Variants in UTP18 observed in about 807,000 individuals in gnomAD.
The protein encoded by UTP18 is UTP18 small subunit processome component, also known as U3 small nucleolar RNA-associated protein 18 homolog.
A neutral mutation model predicts 61.1 loss-of-function variants in UTP18; 36 were observed. The ratio of observed to expected loss-of-function variants is 0.59; its 90% CI spans 0.45 to 0.78. The LOEUF is 0.78. Ranked by LOEUF, UTP18 falls within the 30% of genes least tolerant of loss-of-function variation. The pLI is 0.00. For synonymous variants in UTP18, 282 were observed against 251.1 expected (o/e 1.12, Z -1.16); for missense variants, 753 against 693.9 (o/e 1.09, Z -0.96).
chr17:51,273,536 C>T, intron 5 of UTP18, 86 bp downstream of exon 5: 1 of 881,916 alleles, frequency 1.1e-6, no homozygotes, highest in Non-Finnish European at 1.7e-6. Context: ...GTATGGATTC[C>T]TATTATCTGT....
At chr17:51,275,468 A>G (rs1904685972) in intron 5 of UTP18, among the ~76,000 whole-genome samples, 2 of 152,210 alleles carry the variant, frequency 1.3e-5, no homozygotes, top group South Asian at 2.1e-4. Flanking sequence ...CCATGAATGC[A>G]AAGATGCCAG....
At chr17:51,293,835 A>G (rs770965608) in intron 11 of UTP18, 68 bp from the exon 12 acceptor site, 3 of 1,308,478 alleles carry the variant, frequency 2.3e-6, no homozygotes, top group Non-Finnish European at 3.0e-6. Context: ...AGATAGAGTG[A>G]AGATTACAAT....
At chr17:51,281,626 G>A (rs892771890) in intron 9 of UTP18, among the ~76,000 whole-genome samples, 1 of 152,096 alleles carries the variant, frequency 6.6e-6, no homozygotes, top group Non-Finnish European at 1.5e-5. Flanking sequence ...CAACAGGAGG[G>A]GTCCTTGTGG....
intron 11 of UTP18, 21 bp from the exon 12 acceptor site, chr17:51,293,882 G>A: frequency 6.6e-7 from 1 of 1,509,852 alleles, no homozygotes; most frequent in Non-Finnish European, 8.8e-7. Context: ...ACACTTTAAA[G>A]TTTTTTATTA....
chr17:51,265,595 A>G lies in UTP18; in HGVS notation c.456-587A>G, dbSNP rs556731340. On this transcript the variant is annotated intron_variant, in intron 2 of 13. Coordinates refer to ENST00000225298, the MANE Select transcript of UTP18 (RefSeq NM_016001.3). ...TTTTTTTTTTTTTTGAGACAGTCTCACTCTTTTGCCCAGGCTGGAGTACAG... is the reference window on the plus strand; with the variant it reads ...TTTTTTTTTTTTTTGAGACAGTCTCGCTCTTTTGCCCAGGCTGGAGTACAG... Among the ~76,000 whole-genome samples, 411 of 88,306 alleles carry G rather than the reference A, an allele frequency of 4.7e-3. 4 individuals are homozygous for G. Among genetic ancestry groups the G allele is most frequent in the African/African-American group, 0.018 (376 of 21,362 alleles). The allele number at this position is 88,306 out of a possible 152,430, so 57.9% of individuals were successfully genotyped here. A position where few individuals can be genotyped will look rare whatever the true frequency, so the allele number is the denominator to read the frequency against.
intron 10 of UTP18, among the ~76,000 whole-genome samples, chr17:51,286,161 A>G (rs1438007528): frequency 2.0e-5 from 3 of 152,224 alleles, no homozygotes; most frequent in African/African-American, 7.2e-5. Context: ...TCTAGAACAC[A>G]TTGTACTGTG....
intron 10 of UTP18, among the ~76,000 whole-genome samples, chr17:51,286,762 G>C (rs1454271654): frequency 6.6e-6 from 1 of 152,314 alleles, no homozygotes; most frequent in East Asian, 1.9e-4. Context: ...ATGAGTAGCA[G>C]ATCTTCTGGG....
intron 9 of UTP18, 57 bp from the exon 10 acceptor site, chr17:51,285,187 AC>A: frequency 3.1e-6 from 5 of 1,602,610 alleles, no homozygotes; most frequent in Non-Finnish European, 4.3e-6. Flanking sequence ...TGGCCAGTTT[AC>A]TTGCCTTTCA....
intron 7 of UTP18, 69 bp from the exon 8 acceptor site, chr17:51,279,936 T>A: frequency 1.6e-6 from 2 of 1,254,834 alleles, no homozygotes; most frequent in Non-Finnish European, 2.2e-6. Context: ...GAAACTCATT[T>A]GTCAATAGAT....
At position 51,277,253 on chromosome 17, in the gene UTP18, T is replaced by C; in HGVS notation, c.961T>C (p.Tyr321His). 1 of 1,614,212 alleles carries C rather than the reference T, an allele frequency of 6.2e-7. No individual in the cohort carries two copies. The highest frequency in any genetic ancestry group is 2.2e-5 in the East Asian group (1 of 44,876). The change falls in exon 7 of 14, where the codon TAT becomes CAT. Residue 321 changes from tyrosine to histidine, a missense_variant. Transcript: ENST00000225298. ...CACGAGTACCCACAGCAAGGTTCTT[T>C]ATGTCTATGACATGCTGGCTGGAAA... ...LATSTHSKVL[Y>H]VYDMLAGKLI...
chr17:51,268,534 T>C (rs552340442), intron 3 of UTP18, among the ~76,000 whole-genome samples: 23 of 152,248 alleles, frequency 1.5e-4, no homozygotes, highest in Non-Finnish European at 3.1e-4. Context: ...AGTCCTGATA[T>C]CTGGGATGTG....
At chr17:51,265,276 T>G (rs1302022170) in intron 2 of UTP18, among the ~76,000 whole-genome samples, 2 of 151,980 alleles carry the variant, frequency 1.3e-5, no homozygotes, top group Non-Finnish European at 2.9e-5. Flanking sequence ...CTTTTTTTTT[T>G]TTTTGAGATG....
At chr17:51,295,213 A>G (rs1235686442) in intron 12 of UTP18, among the ~76,000 whole-genome samples, 4 of 151,930 alleles carry the variant, frequency 2.6e-5, no homozygotes, top group East Asian at 1.9e-4. Context: ...ATTAGATCCC[A>G]TTTGTCAATT....
chr17:51,279,431 C>G (rs747732679), intron 7 of UTP18, among the ~76,000 whole-genome samples: 3 of 152,094 alleles, frequency 2.0e-5, no homozygotes, highest in Non-Finnish European at 4.4e-5. Flanking sequence ...TTACATGTGT[C>G]ACATCCAGAG....
intron 9 of UTP18, among the ~76,000 whole-genome samples, chr17:51,281,701 G>A (rs1239683840): frequency 6.6e-6 from 1 of 152,112 alleles, no homozygotes; most frequent in Non-Finnish European, 1.5e-5. Context: ...TTGTCCTGTA[G>A]TTATGCAAAA....
intron 6 of UTP18, 59 bp downstream of exon 6, chr17:51,276,050 C>G: frequency 3.3e-6 from 5 of 1,513,096 alleles, no homozygotes; most frequent in Non-Finnish European, 4.5e-6. Context: ...AAGGACCAGA[C>G]ATTTGCAACC....
Position 51,268,323 on chromosome 17 carries a change from G to T in UTP18, c.555-514G>T, listed in dbSNP as rs570942889. On this transcript the variant is annotated intron_variant, in intron 3 of 13. Transcript: ENST00000225298. The stretch of plus-strand genomic sequence containing the variant: ...TTACAGGCGTGAGCCATGGCGCCCG[G>T]CCCAGGTACCAGTTCTTACGAACAC... Among the ~76,000 whole-genome samples, 4 of 152,278 alleles carry T rather than the reference G, an allele frequency of 2.6e-5. No individual in the cohort carries two copies. The East Asian group carries it at 7.7e-4, about 29-fold the overall frequency.
At chr17:51,283,928 T>C in intron 9 of UTP18, among the ~76,000 whole-genome samples, 1 of 152,206 alleles carries the variant, frequency 6.6e-6, no homozygotes, top group East Asian at 1.9e-4. Context: ...TCATGTTGCC[T>C]TTTTTGCCAT....
At chr17:51,263,913 G>T (rs1390738922) in intron 2 of UTP18, among the ~76,000 whole-genome samples, 1 of 151,674 alleles carries the variant, frequency 6.6e-6, no homozygotes, top group Non-Finnish European at 1.5e-5. Flanking sequence ...AAGTTACTTT[G>T]TAAACATTTC....
Sources: gnomAD v4.1 joint callset for allele counts (sites outside exome capture counted in the v4.1 genomes callset) on GRCh38, gnomAD v4.1.1 for gene constraint, MANE v1.5 for transcripts, NCBI Gene and HGNC (gene_info 2026-07-23, HGNC 2026-07-21) for gene names.